SDHAF4: variants seen among roughly 807,000 people sequenced by gnomAD.
SDHAF4 encodes succinate dehydrogenase assembly factor 4, mitochondrial.
In SDHAF4, 14 loss-of-function variants were observed where a neutral mutation model predicts 14.3. The ratio of observed to expected loss-of-function variants is 0.98; its 90% confidence interval spans 0.65 to 1.53. SDHAF4 has a LOEUF of 1.53. Ranked by LOEUF, SDHAF4 falls within the 40% of genes most tolerant of loss-of-function variation. SDHAF4 has a pLI of 0.00. For synonymous variants in SDHAF4, 63 were observed against 47.3 expected (o/e 1.33, Z -1.36); for missense variants, 141 against 129.3 (o/e 1.09, Z -0.44).
chr6:70,588,660 C>A lies in SDHAF4; in HGVS notation c.263C>A (p.Pro88His). Reference sequence around the variant, plus strand: ...CCAGTGACCAAAGAAAAAGGTGGACCCAGGGGCCCAGAACCTACCCGATAT... The same window carrying A: ...CCAGTGACCAAAGAAAAAGGTGGACACAGGGGCCCAGAACCTACCCGATAT... Reference protein sequence around the residue: ...VNPVTKEKGGPRGPEPTRYGD... With the variant: ...VNPVTKEKGGHRGPEPTRYGD... Residue 88 changes from proline (P) to histidine (H), a missense_variant, in exon 3 of 3, where the codon CCC becomes CAC. Coordinates refer to ENST00000370474, the MANE Select transcript of SDHAF4 (RefSeq NM_145267.3). 6.2e-7 allele frequency: 1 copy of A among 1,601,560 alleles called. No homozygotes were observed. The highest frequency in any genetic ancestry group is 8.5e-7 in the Non-Finnish European group (1 of 1,171,956).
intron 2 of SDHAF4, among the ~76,000 whole-genome samples, chr6:70,583,413 G>A (rs192340285): frequency 2.7e-4 from 41 of 152,160 alleles, no homozygotes; most frequent in Non-Finnish European, 1.9e-4. Flanking sequence ...ATGCCTGGCC[G>A]GAAAAGTAAA....
chr6:70,592,852 T>A (rs1765270242), downstream of SDHAF4, among the ~76,000 whole-genome samples: 1 of 152,192 alleles, frequency 6.6e-6, no homozygotes, highest in Non-Finnish European at 1.5e-5. Flanking sequence ...AAGGCACTGT[T>A]TGCTAAAGAG....
At position 70,588,318 on chromosome 6, in the gene SDHAF4, T is replaced by C. The variant is rs530043971; in HGVS notation, c.218-297T>C. 8.1e-5 allele frequency among the ~76,000 whole-genome samples: 12 copies of C among 148,454 alleles called. 1 individual carries two copies. In the South Asian group the frequency reaches 2.5e-3, roughly 31 times the overall value. ...GGCAGAACACTTGAGGTCAGGAGTT[T>C]GAGCCATCCTGGCCAACATGGTGAA... On this transcript the variant is annotated intron_variant, in intron 2 of 2. Transcript: ENST00000370474.
chr6:70,597,589 C>T, the SDHAF4 span, among the ~76,000 whole-genome samples: 25 of 152,220 alleles, frequency 1.6e-4, no homozygotes, highest in African/African-American at 6.0e-4. Flanking sequence ...TGGCAGGTGA[C>T]TATACTTCAC....
At chr6:70,592,738 TA>T (rs757265068), downstream of SDHAF4, among the ~76,000 whole-genome samples, 4 of 152,246 alleles carry the variant, frequency 2.6e-5, no homozygotes, top group Non-Finnish European at 5.9e-5. Context: ...ACAGAAATCA[TA>T]ATCAAAAGGG....
chr6:70,585,644 TAGAG>T (rs1346838586), intron 2 of SDHAF4, among the ~76,000 whole-genome samples: 1 of 152,190 alleles, frequency 6.6e-6, no homozygotes, highest in African/African-American at 2.4e-5. Flanking sequence ...GAACTTCCGT[TAGAG>T]AGGCCTTCAA....
intron 1 of SDHAF4, among the ~76,000 whole-genome samples, chr6:70,569,882 C>T (rs1290162012): frequency 2.6e-5 from 4 of 152,272 alleles, no homozygotes; most frequent in African/African-American, 9.6e-5. Context: ...TTGCTTTTCA[C>T]ATTTAAGCCT....
the SDHAF4 span, among the ~76,000 whole-genome samples, chr6:70,594,861 T>C: frequency 6.7e-6 from 1 of 149,964 alleles, no homozygotes; most frequent in East Asian, 2.0e-4. Flanking sequence ...GCAGTGAGCC[T>C]AGATCACACC....
Position 70,567,985 on chromosome 6 carries a change from C to T in SDHAF4, c.64+981C>T, listed in dbSNP as rs1216322275. Among the ~76,000 whole-genome samples, 4 of 152,034 alleles carry T rather than the reference C, an allele frequency of 2.6e-5. No individual in the cohort carries two copies. In the East Asian group the frequency reaches 7.7e-4, roughly 29 times the overall value. On this transcript the variant is annotated intron_variant, in intron 1 of 2. Coordinates refer to ENST00000370474, the MANE Select transcript of SDHAF4 (RefSeq NM_145267.3). ...CAGGCGTGAGCCACCGCGCCCGGTC[C>T]GCAAAACATAATTTTAATATATGAC...
intron 1 of SDHAF4, among the ~76,000 whole-genome samples, chr6:70,573,640 A>G (rs1003515064): frequency 4.8e-5 from 7 of 144,782 alleles, no homozygotes; most frequent in Admixed American, 2.7e-4. Context: ...TTTTTGGCCT[A>G]ATTTTTCTTT....
downstream of SDHAF4, among the ~76,000 whole-genome samples, chr6:70,593,117 C>T (rs1417835060): frequency 6.6e-6 from 1 of 152,222 alleles, no homozygotes; most frequent in Non-Finnish European, 1.5e-5. Flanking sequence ...GCTCGACCTG[C>T]CACTCCAAAA....
At chr6:70,570,022 G>A (rs1395850545) in intron 1 of SDHAF4, among the ~76,000 whole-genome samples, 1 of 151,974 alleles carries the variant, frequency 6.6e-6, no homozygotes, top group Non-Finnish European at 1.5e-5. Flanking sequence ...TATAATGCGA[G>A]CCATCATAAA....
chr6:70,587,832 A>C (rs1248643527), intron 2 of SDHAF4, among the ~76,000 whole-genome samples: 1 of 152,210 alleles, frequency 6.6e-6, no homozygotes, highest in Non-Finnish European at 1.5e-5. Context: ...TACTAAGAAT[A>C]ATAATTACTA....
At chr6:70,574,329 G>GAA (rs113017217) in intron 1 of SDHAF4, among the ~76,000 whole-genome samples, 18,367 of 143,560 alleles carry the variant, frequency 0.13, 1,350 homozygotes, top group Middle Eastern at 0.2. Context: ...CAAAAAAAAA[G>GAA]AAAAAAAAAA....
chr6:70,584,052 G>A (rs1339979788), intron 2 of SDHAF4, among the ~76,000 whole-genome samples: 2 of 152,120 alleles, frequency 1.3e-5, no homozygotes, highest in Non-Finnish European at 2.9e-5. Context: ...TTGAGACGGA[G>A]TCTTGCTCTG....
intron 1 of SDHAF4, among the ~76,000 whole-genome samples, chr6:70,574,043 G>A (rs922769546): frequency 1.3e-5 from 2 of 152,096 alleles, no homozygotes; most frequent in African/African-American, 4.8e-5. Context: ...TAGGCTGGCT[G>A]GGCACGGTGG....
chr6:70,577,985 G>T (rs1231583638), intron 1 of SDHAF4, among the ~76,000 whole-genome samples: 1 of 152,202 alleles, frequency 6.6e-6, no homozygotes. Context: ...TGAGCACCTA[G>T]GTTGATTCCA....
At chr6:70,581,422 C>T (rs1270932124) in intron 2 of SDHAF4, among the ~76,000 whole-genome samples, 1 of 152,156 alleles carries the variant, frequency 6.6e-6, no homozygotes, top group East Asian at 1.9e-4. Context: ...GTTGAACCTA[C>T]CATCCCTTAG....
intron 1 of SDHAF4, chr6:70,567,640 TAGC>T (rs1802118418): frequency 6.6e-6 from 1 of 152,292 alleles, no homozygotes; most frequent in Admixed American, 6.5e-5. Context: ...ATAATACAGT[TAGC>T]AGCCCAGACT....
Sources: gnomAD v4.1 joint callset for allele counts (sites outside exome capture counted in the v4.1 genomes callset) on GRCh38, gnomAD v4.1.1 for gene constraint, MANE v1.5 for transcripts, NCBI Gene and HGNC (gene_info 2026-07-23, HGNC 2026-07-21) for gene names.